Variants in KIAA1217 observed in about 807,000 individuals in gnomAD.
The protein encoded by KIAA1217 is sickle tail protein homolog.
In KIAA1217, 88 loss-of-function variants were observed where a neutral mutation model predicts 163.9. The observed-to-expected ratio is 0.54, with a 90% confidence interval of 0.45 to 0.64. The LOEUF (loss-of-function observed/expected upper bound fraction) is 0.64. Among genes scored for constraint, KIAA1217 ranks in the 30% least tolerant of loss-of-function variants. The probability of loss-of-function intolerance (pLI) is 0.00; values close to 1 mark genes in which losing one functional copy is unlikely to be tolerated. For synonymous variants in KIAA1217, 903 were observed against 923.1 expected, an observed-to-expected ratio of 0.98 and a Z score of 0.39; for missense variants, 2,372 against 2,475.0, an observed-to-expected ratio of 0.96 and a Z score of 0.88.
intron 1 of KIAA1217, among the ~76,000 whole-genome samples, chr10:23,812,301 T>A (rs1479929223): frequency 6.6e-6 from 1 of 152,202 alleles, no homozygotes; most frequent in Non-Finnish European, 1.5e-5. Flanking sequence ...ATATGTATAA[T>A]CTATAATTAG....
chr10:24,067,596 C>G (rs944966949), intron 2 of KIAA1217, among the ~76,000 whole-genome samples: 2 of 152,190 alleles, frequency 1.3e-5, no homozygotes, highest in African/African-American at 4.8e-5. Flanking sequence ...GGTCAGGGAC[C>G]CACTTGAGGA....
chr10:23,964,818 G>T (rs1287685564), intron 1 of KIAA1217, among the ~76,000 whole-genome samples: 1 of 152,142 alleles, frequency 6.6e-6, no homozygotes, highest in Non-Finnish European at 1.5e-5. Context: ...GCCTCCCAAA[G>T]TGCTGGGACT....
chr10:24,376,617 C>G (rs2052527987), intron 2 of KIAA1217, among the ~76,000 whole-genome samples: 1 of 152,088 alleles, frequency 6.6e-6, no homozygotes, highest in South Asian at 2.1e-4. Context: ...AAACAATTAG[C>G]TGGGCATGAT....
At chr10:24,001,354 G>A (rs1846736600) in intron 1 of KIAA1217, among the ~76,000 whole-genome samples, 1 of 152,178 alleles carries the variant, frequency 6.6e-6, no homozygotes, top group African/African-American at 2.4e-5. Flanking sequence ...ATTATTTCTG[G>A]TGTGAGAAAC....
chr10:24,361,248 G>A (rs948736762), intron 2 of KIAA1217, among the ~76,000 whole-genome samples: 7 of 151,928 alleles, frequency 4.6e-5, no homozygotes, highest in Admixed American at 1.3e-4. Context: ...GTGTAGTGGC[G>A]CAATCACAGG....
intron 1 of KIAA1217, among the ~76,000 whole-genome samples, chr10:23,709,352 C>T (rs982069167): frequency 3.3e-5 from 5 of 151,584 alleles, no homozygotes; most frequent in African/African-American, 9.7e-5. Flanking sequence ...AGCAAGACCT[C>T]GTCTTTATAA....
At chr10:24,303,652 G>A (rs1387772673) in intron 2 of KIAA1217, among the ~76,000 whole-genome samples, 5 of 152,212 alleles carry the variant, frequency 3.3e-5, no homozygotes, top group African/African-American at 1.2e-4. Context: ...TTAAGCTTGA[G>A]GAACAAACTC....
intron 14 of KIAA1217, among the ~76,000 whole-genome samples, chr10:24,528,757 G>A (rs939093663): frequency 3.9e-5 from 6 of 152,118 alleles, no homozygotes; most frequent in Non-Finnish European, 8.8e-5. Flanking sequence ...ATACTTCACA[G>A]CAAGAGCTGG....
rs181880682 is a variant in KIAA1217 at position 23,734,650 on chromosome 10, T to G, written c.-321+39416T>G. ...ACAATAGTTTGTTTGATTTTATTAT[T>G]TTTTGGATTTTTTTAAAAAATATTC... On this transcript the variant is annotated intron_variant, in intron 1 of 18. Coordinates refer to the KIAA1217 transcript ENST00000376462. Among the ~76,000 whole-genome samples, 648 of 152,276 alleles carry G rather than the reference T, an allele frequency of 4.3e-3. 4 individuals are homozygous for G. Among genetic ancestry groups the G allele is most frequent in the African/African-American group, 0.014 (597 of 41,540 alleles).
intron 2 of KIAA1217, among the ~76,000 whole-genome samples, chr10:24,177,287 A>ATATATATATATATG (rs2065947936): frequency 8.7e-6 from 1 of 114,498 alleles, no homozygotes; most frequent in Admixed American, 8.9e-5. Context: ...ATATATATAT[A>ATATATATATATATG]TATATATATA....
intron 1 of KIAA1217, among the ~76,000 whole-genome samples, chr10:23,709,628 C>T (rs529959631): frequency 6.6e-6 from 1 of 152,196 alleles, no homozygotes; most frequent in East Asian, 1.9e-4. Flanking sequence ...TCTTCAAAGC[C>T]TTCCTCAGAT....
chr10:23,928,799 G>C (rs756432955), intron 1 of KIAA1217, among the ~76,000 whole-genome samples: 2 of 152,192 alleles, frequency 1.3e-5, no homozygotes, highest in Admixed American at 6.5e-5. Flanking sequence ...CAGGCAATAT[G>C]GTTCCAGATT....
intron 15 of KIAA1217, 148 bp from the exon 16 acceptor site, chr10:24,532,922 C>A: frequency 1.7e-6 from 1 of 593,000 alleles, no homozygotes; most frequent in Non-Finnish European, 2.7e-6. Context: ...AAACTAAATG[C>A]AAAGGAATAA....
At chr10:24,081,413 G>A (rs2061534507) in intron 2 of KIAA1217, among the ~76,000 whole-genome samples, 1 of 152,206 alleles carries the variant, frequency 6.6e-6, no homozygotes, top group East Asian at 1.9e-4. Flanking sequence ...ATGCTGGGAT[G>A]AGACAGGTGG....
chr10:24,390,584 G>T, intron 3 of KIAA1217, among the ~76,000 whole-genome samples: 1 of 150,924 alleles, frequency 6.6e-6, no homozygotes, highest in Non-Finnish European at 1.5e-5. Flanking sequence ...AGGGAGGGAA[G>T]GAAGGAAATG....
At position 23,999,155 on chromosome 10, in the gene KIAA1217, T is replaced by G. The variant is rs12241011; in HGVS notation, c.-320-8070T>G. Among the ~76,000 whole-genome samples the G allele has an allele frequency of 8.3e-3, 1,256 of 152,228 alleles. 16 individuals carry two copies. The highest frequency in any genetic ancestry group is 0.029 in the African/African-American group (1,186 of 41,522). On this transcript the variant is annotated intron_variant, in intron 1 of 18. Transcript: ENST00000376462. ...TAAAATCAGAATACAAATAAAGCGGTTTGCATGGTTGTATGTATATTTGGT... is the reference window on the plus strand; with the variant it reads ...TAAAATCAGAATACAAATAAAGCGGGTTGCATGGTTGTATGTATATTTGGT...
At chr10:24,052,942 G>C (rs534134682) in intron 2 of KIAA1217, among the ~76,000 whole-genome samples, 1 of 152,192 alleles carries the variant, frequency 6.6e-6, no homozygotes, top group South Asian at 2.1e-4. Context: ...CCACATATGG[G>C]TAGGAGAGGC....
At chr10:23,964,736 T>C (rs1374611334) in intron 1 of KIAA1217, among the ~76,000 whole-genome samples, 1 of 151,936 alleles carries the variant, frequency 6.6e-6, no homozygotes, top group African/African-American at 2.4e-5. Flanking sequence ...TTGTATTTTT[T>C]AGTAGAGACG....
At chr10:23,945,330 G>A (rs1271147672) in intron 1 of KIAA1217, among the ~76,000 whole-genome samples, 1 of 152,096 alleles carries the variant, frequency 6.6e-6, no homozygotes, top group Admixed American at 6.6e-5. Flanking sequence ...GCAACCACGT[G>A]GATGAATCTA....
Sources: gnomAD v4.1 joint callset for allele counts (sites outside exome capture counted in the v4.1 genomes callset) on GRCh38, gnomAD v4.1.1 for gene constraint, MANE v1.5 for transcripts, NCBI Gene and HGNC (gene_info 2026-07-23, HGNC 2026-07-21) for gene names.